Variants in SPAG16 observed in about 807,000 individuals in gnomAD.
SPAG16 encodes sperm associated antigen 16, also known as sperm-associated antigen 16 protein.
SPAG16 carries 86 observed loss-of-function variants against 80.4 expected under a neutral mutation model. That is an observed-to-expected ratio of 1.07 (90% CI 0.90 to 1.28). The LOEUF (loss-of-function observed/expected upper bound fraction) is 1.28. SPAG16 is among the 50% of genes most tolerant of loss of function. The pLI is 0.00. For missense variants in SPAG16, 870 were observed against 765.3 expected (o/e 1.14, Z -1.61); for synonymous variants, 294 against 265.9 (o/e 1.11, Z -1.03).
At chr2:213,919,550 C>A (rs1338867997) in intron 11 of SPAG16, among the ~76,000 whole-genome samples, 1 of 152,144 alleles carries the variant, frequency 6.6e-6, no homozygotes, top group African/African-American at 2.4e-5. Flanking sequence ...TCATTATTTA[C>A]TCAAAAGCCA....
intron 15 of SPAG16, among the ~76,000 whole-genome samples, chr2:214,352,328 G>A (rs1698467290): frequency 6.6e-6 from 1 of 152,084 alleles, no homozygotes; most frequent in Admixed American, 6.6e-5. Context: ...GATTTTAATG[G>A]TTTGACACAT....
rs187938162 is a variant in SPAG16 at position 214,065,615 on chromosome 2, G to C, written c.1528-42581G>C. On this transcript the variant is annotated intron_variant, in intron 13 of 15. Transcript: ENST00000331683. Reference sequence around the variant, plus strand: ...TACAAATAAAGCTGGAAAGTGTCAGGCTATTCCATAGTATGCCTACTTTAC... The same window carrying C: ...TACAAATAAAGCTGGAAAGTGTCAGCCTATTCCATAGTATGCCTACTTTAC... 3.4e-3 allele frequency among the ~76,000 whole-genome samples: 514 copies of C among 152,182 alleles called. 1 individual carries two copies. Among genetic ancestry groups the C allele is most frequent in the Non-Finnish European group, 5.2e-3 (355 of 68,022 alleles).
intron 10 of SPAG16, among the ~76,000 whole-genome samples, chr2:213,555,127 C>G (rs1300418661): frequency 6.6e-6 from 1 of 152,130 alleles, no homozygotes; most frequent in Non-Finnish European, 1.5e-5. Flanking sequence ...TCCAATAAGA[C>G]TAGCAGTGCA....
chr2:213,639,340 A>C (rs745702449), intron 10 of SPAG16, among the ~76,000 whole-genome samples: 3 of 152,100 alleles, frequency 2.0e-5, no homozygotes, highest in Non-Finnish European at 2.9e-5. Flanking sequence ...TATAGGTCCT[A>C]TGAGATTTAT....
intron 9 of SPAG16, among the ~76,000 whole-genome samples, chr2:213,428,829 T>C (rs2070107966): frequency 6.6e-6 from 1 of 152,026 alleles, no homozygotes; most frequent in Non-Finnish European, 1.5e-5. Context: ...TGGTGGCTCA[T>C]GCCTGTAATC....
intron 11 of SPAG16, among the ~76,000 whole-genome samples, chr2:213,876,304 CAAA>C (rs71063792): frequency 2.6e-4 from 21 of 80,184 alleles, no homozygotes; most frequent in Non-Finnish European, 3.9e-4. Context: ...AACTTTGAAC[CAAA>C]AAAAAAAAAA....
intron 9 of SPAG16, among the ~76,000 whole-genome samples, chr2:213,405,807 T>C (rs1452109557): frequency 6.6e-6 from 1 of 152,198 alleles, no homozygotes; most frequent in Admixed American, 6.5e-5. Flanking sequence ...ATAACAGGAT[T>C]TCATTCTTAT....
intron 12 of SPAG16, among the ~76,000 whole-genome samples, chr2:213,988,654 G>T (rs947976275): frequency 6.6e-6 from 1 of 151,076 alleles, no homozygotes; most frequent in Non-Finnish European, 1.5e-5. Context: ...ATGCACAATT[G>T]TACCAACATT....
intron 11 of SPAG16, among the ~76,000 whole-genome samples, chr2:213,907,433 T>C (rs969298075): frequency 6.0e-5 from 9 of 150,006 alleles, no homozygotes; most frequent in African/African-American, 2.2e-4. Flanking sequence ...AATGTGAATG[T>C]AAATTAGTAC....
intron 5 of SPAG16, 44 bp from the exon 6 acceptor site, chr2:213,340,119 A>G: frequency 7.3e-7 from 1 of 1,364,784 alleles, no homozygotes; most frequent in Non-Finnish European, 1.0e-6. Context: ...AATTTTTCGA[A>G]AAAGAATTAG....
At chr2:214,401,732 C>G (rs148243869) in intron 15 of SPAG16, among the ~76,000 whole-genome samples, 1 of 151,920 alleles carries the variant, frequency 6.6e-6, no homozygotes, top group East Asian at 1.9e-4. Flanking sequence ...TCCAGAATGA[C>G]ACTATTACTG....
intron 15 of SPAG16, among the ~76,000 whole-genome samples, chr2:214,349,335 T>G (rs769929277): frequency 6.6e-6 from 1 of 152,244 alleles, no homozygotes; most frequent in South Asian, 2.1e-4. Flanking sequence ...CAATTTCATA[T>G]AAATGCAGTC....
chr2:213,530,596 T>C (rs999661541), intron 10 of SPAG16, among the ~76,000 whole-genome samples: 1 of 152,206 alleles, frequency 6.6e-6, no homozygotes, highest in African/African-American at 2.4e-5. Flanking sequence ...TCTCTTGAAC[T>C]GTTTCTGTTT....
At chr2:213,318,374 C>A (rs10210603) in intron 5 of SPAG16, among the ~76,000 whole-genome samples, 44,191 of 151,836 alleles carry the variant, frequency 0.29, 6,910 homozygotes, top group African/African-American at 0.34. Flanking sequence ...ACTCGAGGCC[C>A]TCACCCTTAG....
chr2:213,856,568 G>A (rs1472181087), intron 10 of SPAG16, among the ~76,000 whole-genome samples: 2 of 152,194 alleles, frequency 1.3e-5, no homozygotes, highest in African/African-American at 4.8e-5. Context: ...TGGACATCCA[G>A]GCATGTCTAT....
chr2:214,215,514 C>G (rs2058409570), intron 15 of SPAG16, among the ~76,000 whole-genome samples: 1 of 152,122 alleles, frequency 6.6e-6, no homozygotes, highest in Admixed American at 6.5e-5. Context: ...TTATCTTTCC[C>G]CAGCCTTCTA....
chr2:213,820,208 G>A (rs1488186158), intron 10 of SPAG16, among the ~76,000 whole-genome samples: 1 of 152,100 alleles, frequency 6.6e-6, no homozygotes, highest in Non-Finnish European at 1.5e-5. Context: ...CCAAGCAGCT[G>A]AGATTCCTGG....
chr2:213,590,081 C>T (rs1045725260), intron 10 of SPAG16, among the ~76,000 whole-genome samples: 2 of 152,064 alleles, frequency 1.3e-5, no homozygotes, highest in African/African-American at 4.8e-5. Flanking sequence ...TCTCAACCAA[C>T]TTGGCAGTCA....
intron 10 of SPAG16, among the ~76,000 whole-genome samples, chr2:213,841,301 C>A (rs145214783): frequency 6.6e-6 from 1 of 152,056 alleles, no homozygotes; most frequent in Non-Finnish European, 1.5e-5. Context: ...GGTACAAAAC[C>A]AGTGGGGCAT....
Sources: gnomAD v4.1 joint callset for allele counts (sites outside exome capture counted in the v4.1 genomes callset) on GRCh38, gnomAD v4.1.1 for gene constraint, MANE v1.5 for transcripts, NCBI Gene and HGNC (gene_info 2026-07-23, HGNC 2026-07-21) for gene names.